The following C2CD2 variants were observed in gnomAD, a reference collection of about 807,000 sequenced individuals.
The protein encoded by C2CD2 is C2 domain-containing protein 2.
In C2CD2, 43 loss-of-function variants were observed where a neutral mutation model predicts 74.3. That is an observed-to-expected ratio of 0.58 (90% CI 0.45 to 0.75). The LOEUF (loss-of-function observed/expected upper bound fraction) is 0.75. C2CD2 is among the 30% of genes least tolerant of loss of function. The pLI, the probability that C2CD2 is intolerant of heterozygous loss-of-function variation, is 0.00. For missense variants in C2CD2, 801 were observed against 916.3 expected, an observed-to-expected ratio of 0.87 and a Z score of 1.63; for synonymous variants, 422 against 390.7, an observed-to-expected ratio of 1.08 and a Z score of -0.94.
chr21:41,947,112 T>TC (rs1555906757), intron 1 of C2CD2, among the ~76,000 whole-genome samples: 7 of 26,150 alleles, frequency 2.7e-4, no homozygotes, highest in East Asian at 6.2e-4. Context: ...CCTTTCTCTT[T>TC]TCTCTCTCTC....
chr21:41,901,582 G>A (rs2064897438), intron 12 of C2CD2, 40 bp downstream of exon 12: 3 of 1,604,676 alleles, frequency 1.9e-6, no homozygotes, highest in Admixed American at 1.7e-5. Context: ...GTCACTGACA[G>A]ATGACCAGAT....
chr21:41,926,921 A>C lies in C2CD2; in HGVS notation c.379-4836T>G, dbSNP rs764067770. 4.6e-5 allele frequency among the ~76,000 whole-genome samples: 7 copies of C among 152,222 alleles called. No individual in the cohort carries two copies. Among genetic ancestry groups the C allele is most frequent in the Non-Finnish European group, 7.3e-5 (5 of 68,028 alleles). ...AAGGAAAGAACTCCCAAATAAAAGG[A>C]AGGCAAAGACCCTTCAGTAATCATC... On this transcript the variant is annotated intron_variant, in intron 2 of 13. Transcript: ENST00000380486. This position sits in a 1 kb window ranked among gnomAD's most constrained non-coding sequence, Gnocchi z 8.0.
chr21:41,900,223 G>A (rs897855719), intron 12 of C2CD2, among the ~76,000 whole-genome samples: 31 of 152,214 alleles, frequency 2.0e-4, no homozygotes, highest in Admixed American at 6.5e-4. Flanking sequence ...GCAGTGAGCC[G>A]AGATTACGCC....
chr21:41,904,250 A>G (rs1362579206), intron 11 of C2CD2, among the ~76,000 whole-genome samples: 2 of 152,218 alleles, frequency 1.3e-5, no homozygotes, highest in African/African-American at 4.8e-5. Context: ...ACAGTTTGCA[A>G]CTGCCATGGC....
intron 12 of C2CD2, chr21:41,901,072 G>C (rs990504781): frequency 2.6e-5 from 4 of 155,904 alleles, no homozygotes; most frequent in Non-Finnish European, 5.7e-5. Flanking sequence ...CTTCACCTGA[G>C]GGGCTGGCCT....
intron 1 of C2CD2, 130 bp downstream of exon 1, chr21:41,953,240 T>C: frequency 2.1e-6 from 1 of 481,728 alleles, no homozygotes; most frequent in Non-Finnish European, 3.5e-6. Context: ...CTCTCGAGGA[T>C]GGTCTGCGCT....
rs374413686 is a variant in C2CD2 at position 41,914,733 on chromosome 21, A to C, written c.721-12T>G. 6.2e-7 allele frequency: 1 copy of C among 1,610,532 alleles called. No homozygotes were observed. Among genetic ancestry groups the C allele is most frequent in the African/African-American group, 1.3e-5 (1 of 74,730 alleles). On this transcript the variant is annotated splice_polypyrimidine_tract_variant and intron_variant, in intron 5 of 13. Coordinates refer to ENST00000380486, the MANE Select transcript of C2CD2 (RefSeq NM_015500.2). The stretch of plus-strand genomic sequence containing the variant: ...GCACACTGTAAGTTCTGAAAAAATA[A>C]AGAGCACTTTATTTTTGGTCTTCAT...
intron 3 of C2CD2, 74 bp from the exon 4 acceptor site, chr21:41,919,034 C>CTGTA (rs10681050): frequency 1.9e-5 from 19 of 989,152 alleles, no homozygotes; most frequent in Admixed American, 1.3e-4. Context: ...GTGCATGTGA[C>CTGTA]TGTGTGAGCA....
At chr21:41,900,154 C>G (rs928783046) in intron 12 of C2CD2, among the ~76,000 whole-genome samples, 18 of 152,026 alleles carry the variant, frequency 1.2e-4, no homozygotes, top group Admixed American at 4.6e-4. Context: ...GGCGCCTGTA[C>G]TCCCAGCTAC....
rs2065360117 is a variant in C2CD2, at chr21:41,942,169, A to C, written c.356T>G (p.Val119Gly). Residue 119 changes from valine (V) to glycine (G), a missense_variant, in exon 2 of 14, where the codon GTG (valine) becomes GGG (glycine). Physicochemically the swap from Val to Gly is moderately radical, Grantham distance 109. Transcript: ENST00000380486. ...LELVVQEVSS[V>G]LRSAEEKVVV... is the part of the protein sequence containing the mutation. Reference sequence around the variant, plus strand: ...CACCTTCTCCTCCGCCGACCTGAGCACGCTGGAGACCTCCTGCACCACCAG... The same window carrying C: ...CACCTTCTCCTCCGCCGACCTGAGCCCGCTGGAGACCTCCTGCACCACCAG... 2 of 1,549,446 alleles carry C rather than the reference A, an allele frequency of 1.3e-6. No homozygotes were observed. Among genetic ancestry groups the C allele is most frequent in the East Asian group, 4.9e-5 (2 of 40,916 alleles).
rs1197288291 is a variant in C2CD2 at position 41,939,104 on chromosome 21, T to C, written c.378+3043A>G. On this transcript the variant is annotated intron_variant, in intron 2 of 13. Transcript: ENST00000380486. This position sits in a 1 kb window ranked among gnomAD's most constrained non-coding sequence, Gnocchi z 5.5. ...ACCGCGTGGACGAGCCACAGTTTAT[T>C]GATCTATTCGCCCATCAGTGGGCCC... Among the ~76,000 whole-genome samples, 1 of 152,188 alleles carries C rather than the reference T, an allele frequency of 6.6e-6. No homozygotes were observed. The highest frequency in any genetic ancestry group is 1.5e-5 in the Non-Finnish European group (1 of 68,032).
chr21:41,929,227 G>T lies in C2CD2; in HGVS notation c.379-7142C>A, dbSNP rs1174412683. ...TCACTCTGGCCTCTGCTGCGTCAGA[G>T]CTCCATACCTTGGCCAAGTGACTGC... On this transcript the variant is annotated intron_variant, in intron 2 of 13. Coordinates refer to ENST00000380486, the MANE Select transcript of C2CD2 (RefSeq NM_015500.2). The surrounding 1 kb of genome is among the most constrained non-coding windows in gnomAD (Gnocchi z 4.6). Among the ~76,000 whole-genome samples, 1 of 152,216 alleles carries T rather than the reference G, an allele frequency of 6.6e-6. No homozygotes were observed. Among genetic ancestry groups the T allele is most frequent in the East Asian group, 1.9e-4 (1 of 5,200 alleles).
intron 7 of C2CD2, among the ~76,000 whole-genome samples, chr21:41,910,900 G>A (rs550560206): frequency 1.3e-5 from 2 of 152,042 alleles, no homozygotes; most frequent in African/African-American, 2.4e-5. Flanking sequence ...GTCCTGATAC[G>A]CAGTCATATC....
At chr21:41,893,490 G>A (rs761443181) in intron 13 of C2CD2, among the ~76,000 whole-genome samples, 38 of 152,192 alleles carry the variant, frequency 2.5e-4, no homozygotes, top group Admixed American at 3.9e-4. Flanking sequence ...AGATTCGCAC[G>A]GCATGTTTGT....
intron 8 of C2CD2, among the ~76,000 whole-genome samples, chr21:41,908,981 G>C (rs957214157): frequency 1.3e-5 from 2 of 149,998 alleles, no homozygotes; most frequent in African/African-American, 5.0e-5. Context: ...ACAGGCAGTA[G>C]AGTAGGGATG....
rs137969894 is a variant in C2CD2, at chr21:41,905,310, C to CT, written c.1432+413dup. Among the ~76,000 whole-genome samples the CT allele has an allele frequency of 6.9e-4, 87 of 125,336 alleles. No homozygotes were observed. The East Asian group carries it at 9.6e-3, about 14-fold the overall frequency. 82.2% of individuals were successfully genotyped at this position (125,336 alleles called of 152,430 possible). On this transcript the variant is annotated intron_variant, in intron 11 of 13. Transcript: ENST00000380486. Reference sequence around the variant, plus strand: ...TTAACAAAACAAAAGCAAATCAAAACTTTTTTTTTTTTTTTTTTTTTTTAA... The same window carrying CT: ...TTAACAAAACAAAAGCAAATCAAAACTTTTTTTTTTTTTTTTTTTTTTTTAA...
intron 2 of C2CD2, among the ~76,000 whole-genome samples, chr21:41,934,762 G>A (rs887315983): frequency 2.3e-4 from 35 of 152,122 alleles, no homozygotes; most frequent in African/African-American, 8.0e-4. Flanking sequence ...CTTTACAGGT[G>A]AGAAGCCGAG....
At position 41,912,493 on chromosome 21, in the gene C2CD2, A is replaced by T. The variant is rs533007845; in HGVS notation, c.845-53T>A. The T allele has an allele frequency of 4.2e-3, 2,542 of 599,760 alleles. 19 individuals carry two copies. The highest frequency in any genetic ancestry group is 0.041 in the East Asian group (956 of 23,342). 37.2% of individuals were successfully genotyped at this position (599,760 alleles called of 1,614,324 possible). A position where few individuals can be genotyped will look rare whatever the true frequency, so the allele number is the denominator to read the frequency against. On this transcript the variant is annotated intron_variant, in intron 6 of 13. Coordinates refer to ENST00000380486, the MANE Select transcript of C2CD2 (RefSeq NM_015500.2). ...TGGCGTTTATTTTTATTATTTATTT[A>T]TTTTTTTTTTTTTTTGAGACAGAGT... is the stretch of plus-strand genomic sequence containing the variant.
chr21:41,928,884 A>C (rs2146210204), intron 2 of C2CD2, among the ~76,000 whole-genome samples: 1 of 152,252 alleles, frequency 6.6e-6, no homozygotes, highest in East Asian at 1.9e-4. Flanking sequence ...GCAAAGCGTG[A>C]TAGTGCTGAC....
Sources: allele counts gnomAD v4.1 joint callset (sites outside exome capture counted in the v4.1 genomes callset), GRCh38; gene constraint gnomAD v4.1.1; non-coding constraint Gnocchi (gnomAD v3.1); transcripts MANE v1.5; gene names NCBI Gene and HGNC (gene_info 2026-07-23, HGNC 2026-07-21).